The following INPP4B variants were observed in gnomAD, a reference collection of about 807,000 sequenced individuals.
The protein encoded by INPP4B is inositol polyphosphate-4-phosphatase type II B.
A neutral mutation model predicts 122.5 loss-of-function variants in INPP4B; 55 were observed. That is an observed-to-expected ratio of 0.45 (90% CI 0.36 to 0.56). The LOEUF (loss-of-function observed/expected upper bound fraction) is 0.56, where lower values mean the gene tolerates loss of function less well. INPP4B is among the 20% of genes least tolerant of loss of function. The probability of loss-of-function intolerance (pLI) is 0.00; values close to 1 mark genes in which losing one functional copy is unlikely to be tolerated. For synonymous variants in INPP4B, 403 were observed against 388.7 expected (o/e 1.04, Z -0.43); for missense variants, 1,000 against 1,097.7 (o/e 0.91, Z 1.26).
At chr4:142,775,381 T>C (rs768627108) in intron 1 of INPP4B, among the ~76,000 whole-genome samples, 2 of 152,220 alleles carry the variant, frequency 1.3e-5, no homozygotes, top group Non-Finnish European at 2.9e-5. Context: ...TTGCATCAGA[T>C]ACTTGTCTTT....
At chr4:142,708,853 C>G (rs1280732311) in intron 2 of INPP4B, among the ~76,000 whole-genome samples, 1 of 152,158 alleles carries the variant, frequency 6.6e-6, no homozygotes. Context: ...TACTCCAGAC[C>G]TCAGAACAGC....
chr4:142,773,187 C>T (rs149343014), intron 1 of INPP4B, among the ~76,000 whole-genome samples: 241 of 152,098 alleles, frequency 1.6e-3, no homozygotes, highest in Admixed American at 4.9e-3. Context: ...TCCTCCTAGA[C>T]TAGAGATAAG....
At chr4:142,315,517 C>T (rs1327009852) in intron 7 of INPP4B, among the ~76,000 whole-genome samples, 1 of 151,980 alleles carries the variant, frequency 6.6e-6, no homozygotes, top group Non-Finnish European at 1.5e-5. Context: ...CCTGGCTGTA[C>T]ATTAGAATCA....
intron 2 of INPP4B, among the ~76,000 whole-genome samples, chr4:142,612,053 A>G (rs1224212446): frequency 6.6e-6 from 1 of 152,084 alleles, no homozygotes; most frequent in African/African-American, 2.4e-5. Flanking sequence ...TTGGACCTCA[A>G]TAGGTTTGCA....
At chr4:142,668,096 C>A (rs1756420992) in intron 2 of INPP4B, among the ~76,000 whole-genome samples, 1 of 151,974 alleles carries the variant, frequency 6.6e-6, no homozygotes, top group South Asian at 2.1e-4. Context: ...AACTACAGGC[C>A]AATATTCCTG....
intron 12 of INPP4B, among the ~76,000 whole-genome samples, chr4:142,231,099 A>G (rs1053788015): frequency 2.0e-5 from 3 of 152,220 alleles, no homozygotes; most frequent in Admixed American, 6.5e-5. Context: ...TTGTGTATGT[A>G]CCATCTCAAA....
chr4:142,145,900 C>T lies in INPP4B; in HGVS notation c.1660G>A (p.Gly554Ser), dbSNP rs61733152. 21,539 of 1,613,642 alleles carry T rather than the reference C, an allele frequency of 0.013. 635 individuals are homozygous for T. Among genetic ancestry groups the T allele is most frequent in the African/African-American group, 0.099 (7,441 of 74,918 alleles). The change falls in exon 18 of 26, where the codon GGC (glycine) becomes AGC (serine). Residue 554 changes from glycine to serine, a missense_variant. Coordinates refer to ENST00000262992, the MANE Select transcript of INPP4B (RefSeq NM_001101669.3). The part of the protein sequence containing the change: ...ERDGGSEGSG[G>S]NNDGEKEPSL... Reference sequence around the variant, plus strand: ...GGTTCCTTTTCTCCATCATTGTTGCCGCCACTGCCTTCACTGCCACCATCT... The same window carrying T: ...GGTTCCTTTTCTCCATCATTGTTGCTGCCACTGCCTTCACTGCCACCATCT...
At position 142,823,957 on chromosome 4, in the gene INPP4B, C is replaced by T. The variant is rs112142076; in HGVS notation, c.-254+22252G>A. On this transcript the variant is annotated intron_variant, in intron 1 of 25. Transcript: ENST00000262992. The stretch of plus-strand genomic sequence containing the variant: ...ACTGAGTAAAAAAGATCGACCCTCA[C>T]CAATGTGAGAAGGCATCATCCAATC... 5.5e-3 allele frequency among the ~76,000 whole-genome samples: 841 copies of T among 152,222 alleles called. 6 individuals carry two copies. Among genetic ancestry groups the T allele is most frequent in the African/African-American group, 0.019 (802 of 41,544 alleles).
At chr4:142,608,367 A>G (rs1039143804) in intron 2 of INPP4B, among the ~76,000 whole-genome samples, 3 of 152,180 alleles carry the variant, frequency 2.0e-5, no homozygotes, top group Non-Finnish European at 1.5e-5. Flanking sequence ...AAATGTATTA[A>G]AAACAAACAT....
intron 2 of INPP4B, among the ~76,000 whole-genome samples, chr4:142,493,457 C>T (rs907231773): frequency 5.3e-5 from 8 of 152,184 alleles, no homozygotes; most frequent in African/African-American, 1.9e-4. Flanking sequence ...AGTAGGGGAG[C>T]TGTACCTACA....
At chr4:142,822,516 C>G (rs72728691) in intron 1 of INPP4B, among the ~76,000 whole-genome samples, 29 of 152,212 alleles carry the variant, frequency 1.9e-4, no homozygotes, top group African/African-American at 7.0e-4. Flanking sequence ...AGTGCAAACC[C>G]TATTGTGAAC....
chr4:142,571,020 T>C (rs1264203885), intron 2 of INPP4B, among the ~76,000 whole-genome samples: 2 of 148,436 alleles, frequency 1.3e-5, no homozygotes, highest in Non-Finnish European at 3.0e-5. Flanking sequence ...CCCTACCTCA[T>C]GAAATTACCC....
intron 1 of INPP4B, among the ~76,000 whole-genome samples, chr4:142,803,832 G>A (rs1017690129): frequency 4.0e-5 from 6 of 151,848 alleles, no homozygotes; most frequent in Non-Finnish European, 7.4e-5. Flanking sequence ...CGAGACAGGC[G>A]GATCACATGA....
chr4:142,785,711 C>A (rs955603023), intron 1 of INPP4B, among the ~76,000 whole-genome samples: 1 of 151,814 alleles, frequency 6.6e-6, no homozygotes, highest in Non-Finnish European at 1.5e-5. Flanking sequence ...AATTGGAATA[C>A]TAGAAAACGA....
chr4:142,832,959 T>G (rs1430663622), intron 1 of INPP4B, among the ~76,000 whole-genome samples: 1 of 152,202 alleles, frequency 6.6e-6, no homozygotes, highest in Non-Finnish European at 1.5e-5. Context: ...GCTTCCCTTT[T>G]GCTGAAGCCT....
At chr4:142,228,851 G>A (rs1275616571) in intron 12 of INPP4B, among the ~76,000 whole-genome samples, 2 of 151,618 alleles carry the variant, frequency 1.3e-5, no homozygotes, top group Admixed American at 6.6e-5. Flanking sequence ...TTCCACATAA[G>A]CATTTATGTG....
At chr4:142,325,316 G>T (rs536090760) in intron 7 of INPP4B, among the ~76,000 whole-genome samples, 2 of 151,580 alleles carry the variant, frequency 1.3e-5, no homozygotes, top group Non-Finnish European at 2.9e-5. Flanking sequence ...TATGTAACTG[G>T]AGAGGAAAAA....
chr4:142,488,751 G>A (rs569145942), intron 2 of INPP4B, among the ~76,000 whole-genome samples: 15 of 151,898 alleles, frequency 9.9e-5, no homozygotes, highest in Non-Finnish European at 2.9e-5. Flanking sequence ...ACCCAGTATT[G>A]GTATTGTGTA....
chr4:142,599,612 G>A (rs1197502277), intron 2 of INPP4B, among the ~76,000 whole-genome samples: 1 of 151,902 alleles, frequency 6.6e-6, no homozygotes, highest in East Asian at 1.9e-4. Context: ...AAAGACACAG[G>A]AAGCATTAAA....
Sources: allele counts gnomAD v4.1 joint callset (sites outside exome capture counted in the v4.1 genomes callset), GRCh38; gene constraint gnomAD v4.1.1; transcripts MANE v1.5; gene names NCBI Gene and HGNC (gene_info 2026-07-23, HGNC 2026-07-21).